The following MAML3 variants were observed in gnomAD, a reference collection of about 807,000 sequenced individuals.
MAML3 encodes the protein mastermind-like protein 3.
MAML3 carries 27 observed loss-of-function variants against 101.9 expected under a neutral mutation model. The ratio of observed to expected loss-of-function variants is 0.27; its 90% CI spans 0.20 to 0.37. The LOEUF is 0.37. Among genes scored for constraint, MAML3 ranks in the 10% least tolerant of loss-of-function variants. The pLI is 1.00. For synonymous variants in MAML3, 501 were observed against 555.9 expected, an observed-to-expected ratio of 0.90 and a Z score of 1.39; for missense variants, 1,316 against 1,444.9, an observed-to-expected ratio of 0.91 and a Z score of 1.45.
chr4:139,914,715 G>A (rs1276641544), intron 1 of MAML3, among the ~76,000 whole-genome samples: 1 of 152,118 alleles, frequency 6.6e-6, no homozygotes, highest in Non-Finnish European at 1.5e-5. Flanking sequence ...ATGATGGAGA[G>A]GACAAAAATC....
rs202001455 is a variant in MAML3 at position 140,069,630 on chromosome 4, AAAG to A, written c.468+83227_468+83229del. On this transcript the variant is annotated intron_variant, in intron 1 of 4. Coordinates refer to ENST00000509479, the MANE Select transcript of MAML3 (RefSeq NM_018717.5). ...AAGAAGAAGAAGAAAAAGAAAGAAG[AAAG>A]AAGAAGAAGAAGGAGGAGGAGAAGG... 9.3e-3 allele frequency among the ~76,000 whole-genome samples: 1,352 copies of A among 146,108 alleles called. 38 individuals carry two copies. Among genetic ancestry groups the A allele is most frequent in the African/African-American group, 0.031 (1,212 of 39,228 alleles).
chr4:140,134,560 A>G (rs934305775), intron 1 of MAML3: 1 of 349,236 alleles, frequency 2.9e-6, no homozygotes, highest in Non-Finnish European at 5.7e-6. Flanking sequence ...CCCCTTGCAG[A>G]GCCCAGTGTT....
At chr4:140,150,792 G>C (rs1459899176) in intron 1 of MAML3, among the ~76,000 whole-genome samples, 1 of 152,130 alleles carries the variant, frequency 6.6e-6, no homozygotes. Context: ...GTTGGAGAAA[G>C]GGACCGGAGC....
chr4:139,832,094 C>CTTTTTTTTTT lies in MAML3; in HGVS notation c.2079+57253_2079+57262dup, dbSNP rs70943444. Among the ~76,000 whole-genome samples the CTTTTTTTTTT allele has an allele frequency of 1.5e-3, 98 of 64,688 alleles. 5 individuals carry two copies. The highest frequency in any genetic ancestry group is 3.7e-3 in the African/African-American group (87 of 23,702). 42.4% of individuals were successfully genotyped at this position (64,688 alleles called of 152,430 possible). ...AGGCGTGAGCCATCATGCCCAGCCC[C>CTTTTTTTTTT]TTTTTTTTTTTTTTTTTTTTTTTTT... is the stretch of plus-strand genomic sequence containing the variant. On this transcript the variant is annotated intron_variant, in intron 2 of 4. Coordinates refer to ENST00000509479, the MANE Select transcript of MAML3 (RefSeq NM_018717.5).
At chr4:139,933,446 G>A (rs1193919406) in intron 1 of MAML3, among the ~76,000 whole-genome samples, 1 of 152,174 alleles carries the variant, frequency 6.6e-6, no homozygotes, top group Admixed American at 6.5e-5. Flanking sequence ...TGGGGACAGG[G>A]CAGGATGGGG....
intron 2 of MAML3, among the ~76,000 whole-genome samples, chr4:139,760,198 G>A (rs1346285240): frequency 2.0e-5 from 3 of 152,238 alleles, no homozygotes; most frequent in African/African-American, 7.2e-5. Context: ...TGTAGATGAA[G>A]GCAGCAGATA....
intron 1 of MAML3, among the ~76,000 whole-genome samples, chr4:140,022,210 T>C (rs1726743963): frequency 1.3e-5 from 2 of 152,236 alleles, no homozygotes; most frequent in Admixed American, 1.3e-4. Context: ...CCTTTTGTTG[T>C]AAATAACATG....
chr4:139,984,421 T>C (rs1333692207), intron 1 of MAML3, among the ~76,000 whole-genome samples: 1 of 146,982 alleles, frequency 6.8e-6, no homozygotes, highest in African/African-American at 2.5e-5. Context: ...TTAACAAGCA[T>C]GGATACCAAT....
chr4:140,065,931 T>G (rs1431068588), intron 1 of MAML3, among the ~76,000 whole-genome samples: 1 of 152,206 alleles, frequency 6.6e-6, no homozygotes, highest in African/African-American at 2.4e-5. Flanking sequence ...GCTCCATGCA[T>G]AAATGACATC....
At chr4:139,992,450 C>T (rs1187100251) in intron 1 of MAML3, among the ~76,000 whole-genome samples, 1 of 152,160 alleles carries the variant, frequency 6.6e-6, no homozygotes, top group African/African-American at 2.4e-5. Flanking sequence ...ACGGCTGTGC[C>T]ATTTTACACT....
chr4:140,145,907 CTT>C (rs1729055757), intron 1 of MAML3, among the ~76,000 whole-genome samples: 1 of 28,528 alleles, frequency 3.5e-5, no homozygotes, highest in Non-Finnish European at 7.2e-5. Flanking sequence ...GATTTTTACT[CTT>C]GTTGCCCAGG....
At chr4:139,823,146 C>T (rs1731003764) in intron 2 of MAML3, among the ~76,000 whole-genome samples, 1 of 152,178 alleles carries the variant, frequency 6.6e-6, no homozygotes, top group South Asian at 2.1e-4. Context: ...GTAAATGATT[C>T]CTCATTATGC....
chr4:139,771,732 A>T (rs1476386947), intron 2 of MAML3, among the ~76,000 whole-genome samples: 1 of 152,078 alleles, frequency 6.6e-6, no homozygotes, highest in Non-Finnish European at 1.5e-5. Context: ...AGAGTTTCTT[A>T]ATTAGGTAAT....
In MAML3 at chr4:139,876,053, C is replaced by T. The variant is rs547409186; in HGVS notation, c.2079+13304G>A. ...CCACTAGCCACATGTGGCTGTTGAA[C>T]ACTTGAAATGTGGCTGGTCCGAATT... On this transcript the variant is annotated intron_variant, in intron 2 of 4. Transcript: ENST00000509479. Among the ~76,000 whole-genome samples, 26 of 151,314 alleles carry T rather than the reference C, an allele frequency of 1.7e-4. No individual in the cohort carries two copies. The South Asian group carries it at 4.8e-3, about 28-fold the overall frequency.
intron 1 of MAML3, among the ~76,000 whole-genome samples, chr4:140,060,485 A>G (rs1217715487): frequency 6.6e-6 from 1 of 152,084 alleles, no homozygotes; most frequent in East Asian, 1.9e-4. Flanking sequence ...TCAGTAACAC[A>G]GTTCTGAAAA....
chr4:139,789,503 T>A (rs1057163430), intron 2 of MAML3, among the ~76,000 whole-genome samples: 4 of 151,964 alleles, frequency 2.6e-5, no homozygotes, highest in African/African-American at 9.7e-5. Flanking sequence ...GTTGAGTCCG[T>A]GTGTAGGAGC....
At chr4:140,080,847 G>A (rs1727850616) in intron 1 of MAML3, among the ~76,000 whole-genome samples, 2 of 152,202 alleles carry the variant, frequency 1.3e-5, no homozygotes, top group Admixed American at 6.5e-5. Flanking sequence ...TCCACATAAG[G>A]TAAAATCCCA....
At chr4:139,866,592 C>T (rs1201975538) in intron 2 of MAML3, among the ~76,000 whole-genome samples, 3 of 152,144 alleles carry the variant, frequency 2.0e-5, no homozygotes, top group Non-Finnish European at 2.9e-5. Flanking sequence ...AATCTATTTG[C>T]GGCAGTAACC....
At chr4:140,081,838 G>A (rs541210059) in intron 1 of MAML3, among the ~76,000 whole-genome samples, 14 of 152,288 alleles carry the variant, frequency 9.2e-5, no homozygotes, top group African/African-American at 2.9e-4. Context: ...GAATGTAGCT[G>A]GAGTTGTTTA....
Sources: allele counts gnomAD v4.1 joint callset (sites outside exome capture counted in the v4.1 genomes callset), GRCh38; gene constraint gnomAD v4.1.1; transcripts MANE v1.5; gene names NCBI Gene and HGNC (gene_info 2026-07-23, HGNC 2026-07-21).